Variants in AMMECR1 observed in about 807,000 individuals in gnomAD.
AMMECR1 encodes the protein AMMECR nuclear protein 1.
AMMECR1 carries 3 observed loss-of-function variants against 22.5 expected under a neutral mutation model. That is an observed-to-expected ratio of 0.13 (90% CI 0.06 to 0.35). The LOEUF (loss-of-function observed/expected upper bound fraction) is 0.35. Among genes scored for constraint, AMMECR1 ranks in the 10% least tolerant of loss-of-function variants. The pLI, the probability that AMMECR1 is intolerant of heterozygous loss-of-function variation, is 1.00. For missense variants in AMMECR1, 235 were observed against 278.7 expected, an observed-to-expected ratio of 0.84 and a Z score of 1.12; for synonymous variants, 130 against 116.7, an observed-to-expected ratio of 1.11 and a Z score of -0.74.
At chrX:110,247,094 T>A (rs781573356) in intron 2 of AMMECR1, among the ~76,000 whole-genome samples, 1 of 112,660 alleles carries the variant, frequency 8.9e-6, no homozygotes, top group African/African-American at 3.2e-5. Context: ...TGAGCTAGCA[T>A]CTACAGCTCT....
chrX:110,375,181 A>G (rs1484869030), intron 2 of AMMECR1, among the ~76,000 whole-genome samples: 1 of 112,013 alleles, frequency 8.9e-6, no homozygotes, highest in Non-Finnish European at 1.9e-5. Flanking sequence ...AAGACTAAAA[A>G]TGGTATTTAG....
chrX:110,268,086 T>G (rs1022478180), intron 1 of AMMECR1, among the ~76,000 whole-genome samples: 1 of 112,371 alleles, frequency 8.9e-6, no homozygotes, highest in African/African-American at 3.2e-5. Context: ...AGTAGTCTGA[T>G]AGTCTTGATA....
At chrX:110,320,285 T>A (rs1280709839), upstream of AMMECR1, among the ~76,000 whole-genome samples, 1 of 112,050 alleles carries the variant, frequency 8.9e-6, no homozygotes, top group Non-Finnish European at 1.9e-5. Flanking sequence ...GGGTGTTTTG[T>A]TTTGTACTTT....
At chrX:110,364,950 G>A (rs2068287536) in intron 2 of AMMECR1, among the ~76,000 whole-genome samples, 1 of 112,000 alleles carries the variant, frequency 8.9e-6, no homozygotes, top group Admixed American at 9.5e-5. Flanking sequence ...ATGTCTCTAG[G>A]AGTTCATTAT....
At position 110,390,595 on chromosome X, in the gene AMMECR1, G is replaced by A. The variant is rs989702605; in HGVS notation, c.-148+36063C>T. Among the ~76,000 whole-genome samples, 3 of 111,413 alleles carry A rather than the reference G, an allele frequency of 2.7e-5. No homozygotes were observed. The Admixed American group carries it at 2.9e-4, about 11-fold the overall frequency. The stretch of plus-strand genomic sequence containing the variant: ...CTACTGTAGATCCAAAAAACAGAGG[G>A]CTAAATAGAAATTCCACTTGCTGTC... On this transcript the variant is annotated intron_variant, in intron 2 of 7. Transcript: ENST00000372057.
At chrX:110,208,731 T>C (rs912635787) in intron 3 of AMMECR1, among the ~76,000 whole-genome samples, 1 of 111,986 alleles carries the variant, frequency 8.9e-6, no homozygotes, top group African/African-American at 3.2e-5. Context: ...TGAAAAACTC[T>C]GAAGCCAAAC....
intron 1 of AMMECR1, among the ~76,000 whole-genome samples, chrX:110,290,415 A>G (rs751733478): frequency 8.9e-6 from 1 of 111,861 alleles, no homozygotes. Flanking sequence ...TGTCACTTGT[A>G]TAAGATTTAT....
At chrX:110,232,031 C>A (rs1181947412) in intron 2 of AMMECR1, among the ~76,000 whole-genome samples, 1 of 110,751 alleles carries the variant, frequency 9.0e-6, no homozygotes, top group African/African-American at 3.3e-5. Flanking sequence ...CCTTAGAGAC[C>A]CACAGAGAAA....
intron 2 of AMMECR1, among the ~76,000 whole-genome samples, chrX:110,394,284 C>G (rs978837482): frequency 8.9e-6 from 1 of 111,779 alleles, no homozygotes; most frequent in African/African-American, 3.3e-5. Context: ...GGGTCTCACT[C>G]CTCTCGCCCA....
At chrX:110,343,069 T>C (rs1475038095) in intron 2 of AMMECR1, among the ~76,000 whole-genome samples, 3 of 111,884 alleles carry the variant, frequency 2.7e-5, no homozygotes, top group African/African-American at 9.8e-5. Flanking sequence ...ATATCCCTGA[T>C]GAACACTGAT....
At chrX:110,410,430 A>G (rs772034562) in intron 2 of AMMECR1, among the ~76,000 whole-genome samples, 6 of 112,304 alleles carry the variant, frequency 5.3e-5, no homozygotes, top group Non-Finnish European at 7.5e-5. Flanking sequence ...AATATCTTTG[A>G]CGATGTCTAT....
At chrX:110,368,292 T>C (rs1028535416) in intron 2 of AMMECR1, among the ~76,000 whole-genome samples, 3 of 111,106 alleles carry the variant, frequency 2.7e-5, no homozygotes, top group Non-Finnish European at 3.8e-5. Flanking sequence ...GCCTTTTATA[T>C]TGTTCACAAT....
chrX:110,404,583 T>G (rs1355455685), intron 2 of AMMECR1, among the ~76,000 whole-genome samples: 99 of 112,161 alleles, frequency 8.8e-4, no homozygotes, highest in Non-Finnish European at 1.9e-4. Context: ...ACACATGCAG[T>G]AGGCACCTGT....
chrX:110,280,451 GA>G (rs752770264), intron 1 of AMMECR1, among the ~76,000 whole-genome samples: 2 of 111,145 alleles, frequency 1.8e-5, no homozygotes, highest in Non-Finnish European at 3.8e-5. Context: ...AAATTCACTA[GA>G]AAAAAATGCT....
chrX:110,396,146 G>A (rs144665193), intron 2 of AMMECR1, among the ~76,000 whole-genome samples: 1,277 of 111,383 alleles, frequency 0.011, 10 homozygotes, highest in African/African-American at 0.023. Context: ...CTGGCATCCA[G>A]TATTAGTCAT....
chrX:110,339,181 A>C (rs769009911), intron 2 of AMMECR1, among the ~76,000 whole-genome samples: 2 of 111,511 alleles, frequency 1.8e-5, no homozygotes, highest in South Asian at 7.6e-4. Context: ...GATTAGCAAG[A>C]TGGGAGTTGC....
exon 1 of AMMECR1, chrX:110,439,956 G>C (rs1023867554): frequency 1.8e-5 from 2 of 110,823 alleles, no homozygotes; most frequent in African/African-American, 6.6e-5. Context: ...CGAGTCAGTT[G>C]CATCAGATTA....
chrX:110,259,468 T>C (rs895582001), intron 2 of AMMECR1, among the ~76,000 whole-genome samples: 1 of 111,836 alleles, frequency 8.9e-6, no homozygotes, highest in East Asian at 2.8e-4. Flanking sequence ...TGAATAAGAA[T>C]ACATCTATTA....
intron 2 of AMMECR1, among the ~76,000 whole-genome samples, chrX:110,388,873 C>T (rs1490381041): frequency 3.6e-5 from 4 of 112,445 alleles, no homozygotes; most frequent in Non-Finnish European, 7.5e-5. Flanking sequence ...CATGAGGAAA[C>T]TGTGTGATGT....
Sources: gnomAD v4.1 joint callset for allele counts (sites outside exome capture counted in the v4.1 genomes callset) on GRCh38, gnomAD v4.1.1 for gene constraint, MANE v1.5 for transcripts, NCBI Gene and HGNC (gene_info 2026-07-23, HGNC 2026-07-21) for gene names.